SGCG: variants seen among roughly 807,000 people sequenced by gnomAD.
The protein encoded by SGCG is sarcoglycan gamma, also known as gamma-sarcoglycan.
SGCG carries 26 observed loss-of-function variants against 29.3 expected under a neutral mutation model. That is an observed-to-expected ratio of 0.89 (90% CI 0.65 to 1.23). The LOEUF (loss-of-function observed/expected upper bound fraction) is 1.23. SGCG is among the 50% of genes most tolerant of loss of function. The pLI, the probability that SGCG is intolerant of heterozygous loss-of-function variation, is 0.00. For missense variants in SGCG, 353 were observed against 356.0 expected (o/e 0.99, Z 0.07); for synonymous variants, 145 against 129.7 (o/e 1.12, Z -0.80).
intron 1 of SGCG, among the ~76,000 whole-genome samples, chr13:23,196,772 G>A (rs1296989082): frequency 1.5e-5 from 2 of 133,660 alleles, no homozygotes; most frequent in Non-Finnish European, 3.3e-5. Context: ...CCTCCTTTCT[G>A]AAATGTTGGA....
the SGCG span, among the ~76,000 whole-genome samples, chr13:23,165,369 T>C: frequency 6.6e-6 from 1 of 152,070 alleles, no homozygotes; most frequent in East Asian, 1.9e-4. Context: ...ATAAGGCAAA[T>C]AATATATGCC....
At chr13:23,261,711 C>G (rs1329968171) in intron 4 of SGCG, among the ~76,000 whole-genome samples, 4 of 151,954 alleles carry the variant, frequency 2.6e-5, no homozygotes, top group Admixed American at 1.3e-4. Context: ...AGTCATCAAG[C>G]TATCTGAAGT....
Position 23,324,899 on chromosome 13 carries a change from G to A in SGCG, c.*358G>A. On this transcript the variant is annotated 3_prime_UTR_variant, in exon 8 of 8. Transcript: ENST00000218867. ...TGGAGTTAATGTATGACGCTCCACT[G>A]TGGATATCTAATGCCCTGTTGAGAG... The A allele has an allele frequency of 8.3e-6, 3 of 360,034 alleles. No individual in the cohort carries two copies. The highest frequency in any genetic ancestry group is 6.5e-5 in the South Asian group (3 of 46,232). 22.3% of individuals were successfully genotyped at this position (360,034 alleles called of 1,614,324 possible).
Position 23,320,674 on chromosome 13 carries a change from C to G in SGCG, c.616C>G (p.Pro206Ala). ...CACTCGGAGTCTAAGCATGGATGCC[C>G]CAAGGGGTGTGCATATTCAAGCTCA... ...SPTRSLSMDA[P>A]RGVHIQAHAG... The change falls in exon 7 of 8, where the codon CCA (proline) becomes GCA (alanine). Residue 206 changes from proline (P) to alanine (A), a missense_variant. Coordinates refer to ENST00000218867, the MANE Select transcript of SGCG (RefSeq NM_000231.3). 1 of 1,608,624 alleles carries G rather than the reference C, an allele frequency of 6.2e-7. No homozygotes were observed. Among genetic ancestry groups the G allele is most frequent in the Non-Finnish European group, 8.5e-7 (1 of 1,177,100 alleles).
At chr13:23,186,207 C>T (rs1432716556) in intron 1 of SGCG, among the ~76,000 whole-genome samples, 1 of 152,202 alleles carries the variant, frequency 6.6e-6, no homozygotes, top group East Asian at 1.9e-4. Flanking sequence ...GCCTTGGTCA[C>T]CAACCCCTAA....
At chr13:23,308,354 CA>C (rs1348114442) in intron 6 of SGCG, among the ~76,000 whole-genome samples, 21 of 152,294 alleles carry the variant, frequency 1.4e-4, no homozygotes, top group African/African-American at 4.3e-4. Flanking sequence ...TCTCAAAAGT[CA>C]GTCCATTCCT....
At chr13:23,212,027 T>C (rs917192673) in intron 2 of SGCG, among the ~76,000 whole-genome samples, 6 of 152,144 alleles carry the variant, frequency 3.9e-5, no homozygotes, top group South Asian at 2.1e-4. Context: ...GAGATCTGGT[T>C]GGTTGAGTGT....
intron 5 of SGCG, among the ~76,000 whole-genome samples, chr13:23,280,987 A>G (rs1401664243): frequency 3.3e-5 from 5 of 152,098 alleles, no homozygotes; most frequent in Non-Finnish European, 7.4e-5. Context: ...AAGCAACTGT[A>G]TTATTTATTA....
At chr13:23,181,526 A>C (rs1189911398) in intron 1 of SGCG, among the ~76,000 whole-genome samples, 3 of 152,232 alleles carry the variant, frequency 2.0e-5, no homozygotes, top group African/African-American at 7.2e-5. Context: ...AATGAATGAC[A>C]ACAAAAGTCC....
chr13:23,250,785 GT>G (rs1317499073), intron 4 of SGCG, 68 bp downstream of exon 4: 17 of 913,192 alleles, frequency 1.9e-5, no homozygotes, highest in Non-Finnish European at 2.9e-5. Context: ...TGAATGCATT[GT>G]TTTTTCTTCT....
At chr13:23,191,407 G>A (rs8181836) in intron 1 of SGCG, among the ~76,000 whole-genome samples, 58,253 of 151,666 alleles carry the variant, frequency 0.38, 11,266 homozygotes, top group East Asian at 0.53. Context: ...GGTATCGGGT[G>A]CAGGGGTCAG....
At chr13:23,191,117 A>C (rs1877230151) in intron 1 of SGCG, among the ~76,000 whole-genome samples, 1 of 152,188 alleles carries the variant, frequency 6.6e-6, no homozygotes, top group Non-Finnish European at 1.5e-5. Context: ...TCAAGACATA[A>C]ATCATCTTCT....
At chr13:23,285,868 C>A (rs565382755) in intron 5 of SGCG, among the ~76,000 whole-genome samples, 49 of 152,318 alleles carry the variant, frequency 3.2e-4, no homozygotes, top group Admixed American at 3.1e-3. Flanking sequence ...CGAGGGAGTT[C>A]TCCAACCCCT....
At chr13:23,173,465 CA>C in the SGCG span, among the ~76,000 whole-genome samples, 6,720 of 152,252 alleles carry the variant, frequency 0.044, 158 homozygotes, top group Admixed American at 0.07. Flanking sequence ...TGAAGATTTC[CA>C]AAGATTTTCA....
chr13:23,210,905 CTTG>C (rs761043205), intron 2 of SGCG, among the ~76,000 whole-genome samples: 11 of 151,020 alleles, frequency 7.3e-5, no homozygotes, highest in Non-Finnish European at 1.2e-4. Context: ...AGTACACAGA[CTTG>C]TTGTCCTTGA....
chr13:23,217,060 C>G (rs1878454773), intron 2 of SGCG, among the ~76,000 whole-genome samples: 1 of 151,984 alleles, frequency 6.6e-6, no homozygotes, highest in Admixed American at 6.6e-5. Context: ...GAAGTACCAC[C>G]ACTCCGGGTA....
intron 6 of SGCG, among the ~76,000 whole-genome samples, chr13:23,315,289 G>T (rs370076106): frequency 1.9e-4 from 29 of 152,310 alleles, no homozygotes; most frequent in African/African-American, 6.7e-4. Context: ...AACTGGGTGG[G>T]TGCCTTTTGA....
chr13:23,170,682 G>A, the SGCG span: 5 of 152,244 alleles, frequency 3.3e-5, no homozygotes, highest in African/African-American at 9.7e-5. Context: ...TGGTGCCTCT[G>A]GTATCCAGGC....
intron 1 of SGCG, among the ~76,000 whole-genome samples, chr13:23,188,169 C>T (rs1877068661): frequency 6.6e-6 from 1 of 152,126 alleles, no homozygotes; most frequent in Non-Finnish European, 1.5e-5. Context: ...GTGGTAAGTG[C>T]AAGATACAAT....
Sources: gnomAD v4.1 joint callset for allele counts (sites outside exome capture counted in the v4.1 genomes callset) on GRCh38, gnomAD v4.1.1 for gene constraint, MANE v1.5 for transcripts, NCBI Gene and HGNC (gene_info 2026-07-23, HGNC 2026-07-21) for gene names.